DLC1: variants seen among roughly 807,000 people sequenced by gnomAD.
The protein encoded by DLC1 is DLC1 Rho GTPase activating protein, also known as rho GTPase-activating protein 7.
A neutral mutation model predicts 140.3 loss-of-function variants in DLC1; 54 were observed. The ratio of observed to expected loss-of-function variants is 0.38; its 90% CI spans 0.31 to 0.48. DLC1 has a LOEUF of 0.48. Ranked by LOEUF, DLC1 falls within the 20% of genes least tolerant of loss-of-function variation. DLC1 has a pLI of 0.96. For synonymous variants in DLC1, 986 were observed against 728.1 expected (o/e 1.35, Z -5.70); for missense variants, 2,536 against 1,907.0 (o/e 1.33, Z -6.14).
intron 5 of DLC1, among the ~76,000 whole-genome samples, chr8:13,211,737 A>C (rs1746044253): frequency 1.3e-5 from 2 of 152,216 alleles, no homozygotes; most frequent in Admixed American, 1.3e-4. Context: ...TCTTTTGCCT[A>C]GTTCCTTGTA....
intron 1 of DLC1, among the ~76,000 whole-genome samples, chr8:13,580,393 T>TTACAGGC (rs1156567568): frequency 6.6e-6 from 1 of 152,180 alleles, no homozygotes; most frequent in African/African-American, 2.4e-5. Flanking sequence ...AGTGCTGGGA[T>TTACAGGC]TACAGGCGTG....
intron 5 of DLC1, among the ~76,000 whole-genome samples, chr8:13,202,836 G>A (rs1181475724): frequency 1.3e-5 from 2 of 151,882 alleles, no homozygotes; most frequent in Admixed American, 6.6e-5. Flanking sequence ...TCTGTGTCTC[G>A]CTAATTGTTG....
At chr8:13,431,638 A>G (rs949910984) in intron 2 of DLC1, among the ~76,000 whole-genome samples, 10 of 152,162 alleles carry the variant, frequency 6.6e-5, no homozygotes, top group African/African-American at 2.2e-4. Context: ...GAAATTCAAG[A>G]CATACATCTG....
Position 13,382,529 on chromosome 8 carries a change from A to AAAAGAAAG in DLC1, c.1314+11016_1314+11023dup, listed in dbSNP as rs1554509371. 4.9e-3 allele frequency among the ~76,000 whole-genome samples: 534 copies of AAAAGAAAG among 109,398 alleles called. 30 individuals are homozygous for AAAAGAAAG. Among genetic ancestry groups the AAAAGAAAG allele is most frequent in the East Asian group, 0.011 (38 of 3,348 alleles). The allele number at this position is 109,398 out of a possible 152,430, so 71.8% of individuals were successfully genotyped here. On this transcript the variant is annotated intron_variant, in intron 4 of 17. Transcript: ENST00000276297. The stretch of plus-strand genomic sequence containing the variant: ...TCAAAAAAAAAAAAAAAAAAAAAAA[A>AAAAGAAAG]AAAGAAAGAGGAGACAGATAAGCTA...
intron 4 of DLC1, among the ~76,000 whole-genome samples, chr8:13,319,257 C>T (rs1431759719): frequency 1.3e-5 from 2 of 152,162 alleles, no homozygotes; most frequent in Non-Finnish European, 2.9e-5. Flanking sequence ...TGGTCTTAAA[C>T]AGAAATTTTG....
chr8:13,214,678 G>T (rs374553301), intron 5 of DLC1: 12 of 780,712 alleles, frequency 1.5e-5, no homozygotes, highest in Middle Eastern at 2.2e-4. Flanking sequence ...CTGGGGAAAG[G>T]TGTAAGGAGA....
At chr8:13,154,877 T>C (rs913577645) in intron 5 of DLC1, among the ~76,000 whole-genome samples, 4 of 152,212 alleles carry the variant, frequency 2.6e-5, no homozygotes, top group African/African-American at 9.7e-5. Context: ...TTTTGATAGG[T>C]AGATAAGGGA....
intron 1 of DLC1, among the ~76,000 whole-genome samples, chr8:13,578,202 C>T (rs1438030136): frequency 6.6e-6 from 1 of 152,100 alleles, no homozygotes; most frequent in Non-Finnish European, 1.5e-5. Context: ...CACATGGCCA[C>T]CCAGGAATCA....
At chr8:13,428,841 C>T (rs1838727897) in intron 2 of DLC1, among the ~76,000 whole-genome samples, 2 of 152,112 alleles carry the variant, frequency 1.3e-5, no homozygotes, top group African/African-American at 4.8e-5. Flanking sequence ...AAACGTAGAA[C>T]TAATTCTTCA....
chr8:13,344,251 T>G (rs980203268), intron 4 of DLC1, among the ~76,000 whole-genome samples: 2 of 152,170 alleles, frequency 1.3e-5, no homozygotes, highest in Non-Finnish European at 2.9e-5. Context: ...CCCAGCACTT[T>G]GGGAGGCTGA....
At chr8:13,368,390 A>C (rs778835970) in intron 4 of DLC1, among the ~76,000 whole-genome samples, 7 of 152,136 alleles carry the variant, frequency 4.6e-5, no homozygotes, top group Non-Finnish European at 1.0e-4. Context: ...TTGTTGATTA[A>C]AGCATTGCCT....
intron 1 of DLC1, among the ~76,000 whole-genome samples, chr8:13,536,571 G>T (rs1053204393): frequency 3.9e-5 from 6 of 152,030 alleles, no homozygotes. Flanking sequence ...TTAGACTGAG[G>T]CTCTGAGAGG....
At chr8:13,460,813 C>T (rs547599559) in intron 2 of DLC1, among the ~76,000 whole-genome samples, 2 of 152,228 alleles carry the variant, frequency 1.3e-5, no homozygotes, top group Admixed American at 6.5e-5. Flanking sequence ...ATGCAATAAG[C>T]GCCTGTGCTC....
chr8:13,283,802 A>C (rs1015917812), intron 5 of DLC1, among the ~76,000 whole-genome samples: 1 of 152,164 alleles, frequency 6.6e-6, no homozygotes, highest in African/African-American at 2.4e-5. Flanking sequence ...GATATGAGCC[A>C]CTCAGCGTGG....
chr8:13,553,541 A>G (rs151168336), intron 1 of DLC1, among the ~76,000 whole-genome samples: 2,010 of 152,004 alleles, frequency 0.013, 23 homozygotes, highest in Middle Eastern at 0.02. Context: ...TTGTGGAGAC[A>G]GAGTCTCACT....
chr8:13,590,628 A>G (rs1488002434), intron 1 of DLC1, among the ~76,000 whole-genome samples: 1 of 152,106 alleles, frequency 6.6e-6, no homozygotes, highest in Non-Finnish European at 1.5e-5. Context: ...TGGGAGCTTC[A>G]AAATATTCTT....
intron 2 of DLC1, among the ~76,000 whole-genome samples, chr8:13,408,075 A>G (rs1373167028): frequency 1.3e-5 from 2 of 152,220 alleles, no homozygotes; most frequent in African/African-American, 4.8e-5. Flanking sequence ...CAGAATTTCT[A>G]GGCAAGTTAA....
intron 1 of DLC1, among the ~76,000 whole-genome samples, chr8:13,597,841 A>G (rs796433642): frequency 4.6e-5 from 7 of 152,230 alleles, no homozygotes; most frequent in African/African-American, 1.2e-4. Flanking sequence ...ATGCTGATCT[A>G]TTTTTAATTT....
rs181525990 is a variant in DLC1 at position 13,324,340 on chromosome 8, G to A, written c.1315-19038C>T. Among the ~76,000 whole-genome samples, 415 of 152,150 alleles carry A rather than the reference G, an allele frequency of 2.7e-3. 2 individuals carry two copies. The highest frequency in any genetic ancestry group is 9.8e-3 in the African/African-American group (407 of 41,528). On this transcript the variant is annotated intron_variant, in intron 4 of 17. Transcript: ENST00000276297. ...TCCCAGCACTTTGGGAGGCCGAGGC[G>A]GATGGATCACGAGGTCAGGAGATCG... is the stretch of plus-strand genomic sequence containing the variant.
Sources: allele counts gnomAD v4.1 joint callset (sites outside exome capture counted in the v4.1 genomes callset), GRCh38; gene constraint gnomAD v4.1.1; transcripts MANE v1.5; gene names NCBI Gene and HGNC (gene_info 2026-07-23, HGNC 2026-07-21).